The following GBF1 variants were observed in gnomAD, a reference collection of about 807,000 sequenced individuals.
GBF1 encodes the protein golgi brefeldin A resistant guanine nucleotide exchange factor 1, also known as Golgi-specific brefeldin A-resistance guanine nucleotide exchange factor 1.
GBF1 carries 114 observed loss-of-function variants against 210.5 expected under a neutral mutation model. The observed-to-expected ratio is 0.54, with a 90% CI of 0.47 to 0.63. The LOEUF (loss-of-function observed/expected upper bound fraction) is 0.63, where lower values mean the gene tolerates loss of function less well. Ranked by LOEUF, GBF1 falls within the 30% of genes least tolerant of loss-of-function variation. GBF1 has a pLI of 0.00. For synonymous variants in GBF1, 850 were observed against 889.2 expected (o/e 0.96, Z 0.78); for missense variants, 1,851 against 2,357.7 (o/e 0.79, Z 4.45).
intron 26 of GBF1, 76 bp downstream of exon 26, chr10:102,370,060 A>C: frequency 6.3e-7 from 1 of 1,579,022 alleles, no homozygotes; most frequent in Non-Finnish European, 8.7e-7. Context: ...CTGAAGAATA[A>C]ATCATCCAGG....
chr10:102,315,579 T>G (rs1257503130), intron 3 of GBF1, among the ~76,000 whole-genome samples: 1 of 152,156 alleles, frequency 6.6e-6, no homozygotes, highest in Non-Finnish European at 1.5e-5. Context: ...AGGCATTAGA[T>G]TCTCATAAGG....
intron 3 of GBF1, among the ~76,000 whole-genome samples, chr10:102,316,968 A>G (rs1415926221): frequency 6.6e-6 from 1 of 152,172 alleles, no homozygotes; most frequent in Non-Finnish European, 1.5e-5. Flanking sequence ...ATAATGGGAG[A>G]TTATGCTAAA....
chr10:102,329,031 G>T (rs2057124803), intron 3 of GBF1, among the ~76,000 whole-genome samples: 1 of 152,118 alleles, frequency 6.6e-6, no homozygotes, highest in Admixed American at 6.6e-5. Context: ...CTTAAGTTGG[G>T]GCTTGGTCTT....
At chr10:102,287,155 T>C (rs1190596494) in intron 3 of GBF1, among the ~76,000 whole-genome samples, 3 of 152,136 alleles carry the variant, frequency 2.0e-5, no homozygotes, top group Admixed American at 6.5e-5. Context: ...TATCAAATGG[T>C]ACATTTCCCC....
At chr10:102,351,445 C>A in intron 5 of GBF1, 71 bp downstream of exon 5, 1 of 879,240 alleles carries the variant, frequency 1.1e-6, no homozygotes, top group Non-Finnish European at 1.9e-6. Flanking sequence ...TTACTCTGCC[C>A]ACAGCATGAA....
chr10:102,361,251 T>TCC (rs1299642238), intron 13 of GBF1, 131 bp downstream of exon 13: 5 of 652,492 alleles, frequency 7.7e-6, no homozygotes, highest in Non-Finnish European at 1.4e-5. Flanking sequence ...CCTTTTAGCC[T>TCC]CCAGAGTTCG....
chr10:102,260,473 CTTCT>C (rs1239921120), intron 3 of GBF1, among the ~76,000 whole-genome samples: 9 of 74,796 alleles, frequency 1.2e-4, no homozygotes, highest in Admixed American at 3.1e-4. Context: ...ATTTTCCTTT[CTTCT>C]TTTTTTTTTT....
At chr10:102,275,665 C>G (rs1264274582) in intron 3 of GBF1, among the ~76,000 whole-genome samples, 11 of 152,130 alleles carry the variant, frequency 7.2e-5, no homozygotes. Flanking sequence ...TCTCCTTTGC[C>G]TCTTTTTTTC....
intron 5 of GBF1, among the ~76,000 whole-genome samples, chr10:102,351,590 C>A (rs1018865204): frequency 6.6e-6 from 1 of 151,880 alleles, no homozygotes; most frequent in Non-Finnish European, 1.5e-5. Context: ...ATACCAGAAG[C>A]CTTAAATACA....
At chr10:102,278,289 T>C (rs1369259068) in intron 3 of GBF1, among the ~76,000 whole-genome samples, 6 of 151,682 alleles carry the variant, frequency 4.0e-5, no homozygotes, top group Non-Finnish European at 5.9e-5. Flanking sequence ...TTTTTTTTTT[T>C]AGAGTTATGG....
intron 3 of GBF1, among the ~76,000 whole-genome samples, chr10:102,265,518 C>A (rs917278802): frequency 6.6e-6 from 1 of 151,756 alleles, no homozygotes; most frequent in Non-Finnish European, 1.5e-5. Flanking sequence ...CCCATCTCTA[C>A]AAAAATAAAA....
chr10:102,251,713 C>G (rs1236084825), intron 1 of GBF1, among the ~76,000 whole-genome samples: 2 of 152,064 alleles, frequency 1.3e-5, no homozygotes, highest in African/African-American at 4.8e-5. Context: ...GCCACCACAC[C>G]TGGCCAATTT....
chr10:102,330,441 T>C (rs2057250413), intron 3 of GBF1, among the ~76,000 whole-genome samples: 1 of 152,108 alleles, frequency 6.6e-6, no homozygotes, highest in African/African-American at 2.4e-5. Context: ...CCCAGCACTT[T>C]GGGAGGCTGA....
intron 3 of GBF1, among the ~76,000 whole-genome samples, chr10:102,296,154 C>G (rs1330475301): frequency 6.6e-6 from 1 of 152,090 alleles, no homozygotes; most frequent in African/African-American, 2.4e-5. Context: ...ACAGAAGAAA[C>G]TAAAACTTAA....
chr10:102,376,328 C>G lies in GBF1; in HGVS notation c.3943C>G (p.Arg1315Gly). 1 of 1,613,548 alleles carries G rather than the reference C, an allele frequency of 6.2e-7. No individual in the cohort carries two copies. The highest frequency in any genetic ancestry group is 8.5e-7 in the Non-Finnish European group (1 of 1,179,656). ...CCATCAGAATGACGTGAGCCTGGATCGAGGGTACACTTCCGACTCAGAGGT... is the reference window on the plus strand; with the variant it reads ...CCATCAGAATGACGTGAGCCTGGATGGAGGGTACACTTCCGACTCAGAGGT... ...SYHQNDVSLD[R>G]GYTSDSEVYT... The change falls in exon 31 of 40, where the codon CGA becomes GGA. Residue 1315 changes from arginine to glycine, a missense_variant. Physicochemically the swap from Arg to Gly is moderately radical, Grantham distance 125 (BLOSUM62 -2). Transcript: ENST00000369983.
chr10:102,275,453 C>T (rs1334672961), intron 3 of GBF1, among the ~76,000 whole-genome samples: 1 of 152,004 alleles, frequency 6.6e-6, no homozygotes. Context: ...GAGACCGTCC[C>T]CTTGTGTAGG....
intron 3 of GBF1, among the ~76,000 whole-genome samples, chr10:102,307,110 T>C (rs1393861045): frequency 4.6e-5 from 7 of 152,248 alleles, no homozygotes; most frequent in Admixed American, 4.6e-4. Flanking sequence ...TTCCATTTAC[T>C]AATCAGGCCT....
At chr10:102,243,603 C>T (rs750668196), upstream of GBF1, among the ~76,000 whole-genome samples, 14 of 152,278 alleles carry the variant, frequency 9.2e-5, no homozygotes, top group Non-Finnish European at 2.1e-4. Flanking sequence ...CTTTCCAGGA[C>T]CTCTCAATCT....
Position 102,359,448 on chromosome 10 carries a change from G to C in GBF1, c.1180+13G>C. 6.2e-7 allele frequency: 1 copy of C among 1,606,086 alleles called. No homozygotes were observed. The highest frequency in any genetic ancestry group is 1.3e-5 in the African/African-American group (1 of 74,806). On this transcript the variant is annotated intron_variant, in intron 11 of 39. Coordinates refer to ENST00000369983, the MANE Select transcript of GBF1 (RefSeq NM_001377137.1). ...TCCCAGAAAGAAGGTGGGTATTCTG[G>C]TAGGCTCTGCCAATTCACCTCCCCC...
Sources: gnomAD v4.1 joint callset for allele counts (sites outside exome capture counted in the v4.1 genomes callset) on GRCh38, gnomAD v4.1.1 for gene constraint, MANE v1.5 for transcripts, NCBI Gene and HGNC (gene_info 2026-07-23, HGNC 2026-07-21) for gene names.